The following LRP1B variants were observed in gnomAD, a reference collection of about 807,000 sequenced individuals.
The protein encoded by LRP1B is LDL receptor related protein 1B, also known as low-density lipoprotein receptor-related protein 1B.
In LRP1B, 217 loss-of-function variants were observed where a neutral mutation model predicts 556.6. That is an observed-to-expected ratio of 0.39 (90% CI 0.35 to 0.44). The LOEUF (loss-of-function observed/expected upper bound fraction) is 0.44. LRP1B is among the 20% of genes least tolerant of loss of function. The pLI is 1.00. For missense variants in LRP1B, 5,053 were observed against 5,620.8 expected, an observed-to-expected ratio of 0.90 and a Z score of 3.23; for synonymous variants, 2,047 against 1,865.8, an observed-to-expected ratio of 1.10 and a Z score of -2.50.
chr2:141,583,589 C>G (rs1687026061), intron 2 of LRP1B, among the ~76,000 whole-genome samples: 2 of 151,592 alleles, frequency 1.3e-5, no homozygotes, highest in Non-Finnish European at 2.9e-5. Flanking sequence ...CCTAAAAACA[C>G]TATGTTTTCT....
chr2:141,660,258 G>A (rs561836852), intron 2 of LRP1B, among the ~76,000 whole-genome samples: 31 of 152,294 alleles, frequency 2.0e-4, no homozygotes, highest in African/African-American at 7.0e-4. Flanking sequence ...AAGGGAGGCG[G>A]TGAGTGACCA....
intron 25 of LRP1B, among the ~76,000 whole-genome samples, chr2:140,875,633 A>G (rs1033057550): frequency 5.9e-5 from 9 of 152,178 alleles, no homozygotes; most frequent in African/African-American, 1.7e-4. Flanking sequence ...CACTTTTAAA[A>G]ATCAAATTAG....
chr2:140,505,724 C>T (rs1185111082), intron 53 of LRP1B, among the ~76,000 whole-genome samples: 1 of 152,102 alleles, frequency 6.6e-6, no homozygotes, highest in Non-Finnish European at 1.5e-5. Context: ...AAACTGATAT[C>T]CACTAATTTC....
intron 60 of LRP1B, among the ~76,000 whole-genome samples, chr2:140,470,212 T>C (rs1348647629): frequency 6.6e-6 from 1 of 152,236 alleles, no homozygotes; most frequent in African/African-American, 2.4e-5. Context: ...ATAATCTTTA[T>C]GATAACACTC....
intron 2 of LRP1B, among the ~76,000 whole-genome samples, chr2:141,713,193 T>C (rs906969512): frequency 6.6e-6 from 1 of 151,990 alleles, no homozygotes; most frequent in Non-Finnish European, 1.5e-5. Flanking sequence ...TGGACTTCAT[T>C]GTGAATTTTT....
At chr2:140,601,874 A>G (rs558539532) in intron 41 of LRP1B, among the ~76,000 whole-genome samples, 1 of 152,208 alleles carries the variant, frequency 6.6e-6, no homozygotes, top group South Asian at 2.1e-4. Flanking sequence ...TCTTCTCACA[A>G]ATAAAATAAA....
chr2:140,749,385 T>G (rs1466601641), intron 35 of LRP1B, among the ~76,000 whole-genome samples: 3 of 151,548 alleles, frequency 2.0e-5, no homozygotes, highest in African/African-American at 7.2e-5. Context: ...CATTTTTTTT[T>G]TACTCTTTTG....
At chr2:140,274,704 G>T in intron 84 of LRP1B, 106 bp from the exon 85 acceptor site, 1 of 860,396 alleles carries the variant, frequency 1.2e-6, no homozygotes, top group Non-Finnish European at 1.7e-6. Context: ...ATAATAGGTA[G>T]ATTAATTTAC....
chr2:141,476,035 A>G (rs926608004), intron 3 of LRP1B, among the ~76,000 whole-genome samples: 2 of 152,172 alleles, frequency 1.3e-5, no homozygotes, highest in Admixed American at 6.5e-5. Flanking sequence ...TAACATGCCA[A>G]CTGGGGCTTT....
chr2:140,514,526 T>G, intron 51 of LRP1B, 127 bp downstream of exon 51: 1 of 685,782 alleles, frequency 1.5e-6, no homozygotes, highest in Non-Finnish European at 2.2e-6. Flanking sequence ...TAAAAACAGC[T>G]ACCTAGAAAG....
intron 59 of LRP1B, among the ~76,000 whole-genome samples, chr2:140,479,831 T>C (rs550669193): frequency 5.3e-5 from 8 of 152,368 alleles, no homozygotes; most frequent in African/African-American, 9.6e-5. Flanking sequence ...TGTGTTCCTC[T>C]ACAGAAATCA....
intron 2 of LRP1B, among the ~76,000 whole-genome samples, chr2:141,619,463 T>C (rs1688425999): frequency 6.6e-6 from 1 of 152,194 alleles, no homozygotes; most frequent in Admixed American, 6.5e-5. Context: ...GGAAATGATA[T>C]TTGATTGGAT....
intron 11 of LRP1B, among the ~76,000 whole-genome samples, chr2:141,028,585 G>A (rs891456322): frequency 6.6e-6 from 1 of 151,842 alleles, no homozygotes; most frequent in East Asian, 1.9e-4. Flanking sequence ...TATTATAAGA[G>A]GAATTTCAGT....
intron 7 of LRP1B, among the ~76,000 whole-genome samples, chr2:141,123,255 T>C (rs62173720): frequency 6.9e-6 from 1 of 145,630 alleles, no homozygotes; most frequent in Non-Finnish European, 1.5e-5. Context: ...AAAAAATAAA[T>C]AAATAAATAA....
chr2:140,515,547 C>T (rs1479610888), intron 50 of LRP1B, among the ~76,000 whole-genome samples: 1 of 151,972 alleles, frequency 6.6e-6, no homozygotes, highest in Non-Finnish European at 1.5e-5. Flanking sequence ...AAAATATAAA[C>T]TCTTGTAAAA....
chr2:141,153,536 AATATATT>A (rs1446897659), intron 7 of LRP1B, among the ~76,000 whole-genome samples: 1 of 126,176 alleles, frequency 7.9e-6, no homozygotes, highest in Non-Finnish European at 1.6e-5. Context: ...ATTTATATAT[AATATATT>A]ATATATTAGC....
At chr2:141,406,088 C>T (rs1690622007) in intron 3 of LRP1B, among the ~76,000 whole-genome samples, 1 of 152,008 alleles carries the variant, frequency 6.6e-6, no homozygotes, top group South Asian at 2.1e-4. Flanking sequence ...TTGTAACAAA[C>T]TAATTTGATC....
At chr2:140,327,031 C>CTGTAGATTAACTTT (rs1271420765) in intron 79 of LRP1B, among the ~76,000 whole-genome samples, 1 of 152,094 alleles carries the variant, frequency 6.6e-6, no homozygotes, top group Non-Finnish European at 1.5e-5. Flanking sequence ...ATCTTCACTG[C>CTGTAGATTAACTTT]TGTAGATTAA....
At chr2:141,215,918 A>C (rs566065491) in intron 6 of LRP1B, among the ~76,000 whole-genome samples, 248 of 152,328 alleles carry the variant, frequency 1.6e-3, no homozygotes, top group Non-Finnish European at 1.6e-3. Context: ...ACAGAGAAAG[A>C]AGCTTTTTCT....
Sources: allele counts gnomAD v4.1 joint callset (sites outside exome capture counted in the v4.1 genomes callset), GRCh38; gene constraint gnomAD v4.1.1; transcripts MANE v1.5; gene names NCBI Gene and HGNC (gene_info 2026-07-23, HGNC 2026-07-21).